The following XPO1 variants were observed in gnomAD, a reference collection of about 807,000 sequenced individuals.
XPO1 encodes the protein exportin 1, also known as exportin-1.
Under a neutral mutation model 133.3 loss-of-function variants are expected in XPO1, and 5 were observed. That is an observed-to-expected ratio of 0.04 (90% CI 0.02 to 0.08). The LOEUF (loss-of-function observed/expected upper bound fraction) is 0.08, where lower values mean the gene tolerates loss of function less well. Ranked by LOEUF, XPO1 falls within the 10% of genes least tolerant of loss-of-function variation. XPO1 has a pLI of 1.00. For synonymous variants in XPO1, 419 were observed against 408.2 expected (o/e 1.03, Z -0.32); for missense variants, 506 against 1,267.5 (o/e 0.40, Z 9.12).
intron 3 of XPO1, chr2:61,525,719 C>T: frequency 1.9e-6 from 2 of 1,027,582 alleles, no homozygotes; most frequent in Non-Finnish European, 2.3e-6. Context: ...GATGTCAAAA[C>T]TAATTAATAT....
intron 12 of XPO1, chr2:61,493,625 C>A: frequency 2.8e-6 from 1 of 351,934 alleles, no homozygotes; most frequent in Non-Finnish European, 5.2e-6. Flanking sequence ...GTGTCTCATT[C>A]CTAGACTCTG....
rs1020730888 is a variant in XPO1, at chr2:61,534,097, T to C, written c.-6-194A>G. 4.0e-5 allele frequency: 20 copies of C among 496,460 alleles called. 1 individual carries two copies. The highest frequency in any genetic ancestry group is 5.9e-5 in the Non-Finnish European group (18 of 305,004). The allele number at this position is 496,460 out of a possible 1,614,324, so 30.8% of individuals were successfully genotyped here. A position where few individuals can be genotyped will look rare whatever the true frequency, so the allele number is the denominator to read the frequency against. ...ATTACTTAGCTATTTGATAATTACA[T>C]AAATTATTATGGTCCATTCAACTTT... On this transcript the variant is annotated intron_variant, in intron 1 of 24. Coordinates refer to ENST00000401558, the MANE Select transcript of XPO1 (RefSeq NM_003400.4).
intron 19 of XPO1, 46 bp from the exon 20 acceptor site, chr2:61,486,008 G>A: frequency 6.6e-7 from 1 of 1,510,974 alleles, no homozygotes; most frequent in Non-Finnish European, 9.0e-7. Context: ...TAGGTACATG[G>A]TGACTATTTT....
At chr2:61,506,958 G>A (rs563632715) in intron 4 of XPO1, among the ~76,000 whole-genome samples, 7 of 151,940 alleles carry the variant, frequency 4.6e-5, no homozygotes, top group South Asian at 2.1e-4. Context: ...GGCCGGGCGC[G>A]GTGGCTCACA....
At chr2:61,499,062 G>GT in intron 7 of XPO1, 149 bp from the exon 8 acceptor site, 1 of 899,010 alleles carries the variant, frequency 1.1e-6, no homozygotes, top group Non-Finnish European at 1.6e-6. Flanking sequence ...CAGAAGGATT[G>GT]TTTGAGACCA....
chr2:61,532,316 A>G (rs935105543), intron 2 of XPO1, among the ~76,000 whole-genome samples: 2 of 151,612 alleles, frequency 1.3e-5, no homozygotes, highest in Non-Finnish European at 2.9e-5. Flanking sequence ...TTTAGTAGAG[A>G]CGGGGTTTCA....
intron 16 of XPO1, among the ~76,000 whole-genome samples, 160 bp from the exon 17 acceptor site, chr2:61,490,936 C>T (rs759650218): frequency 6.6e-6 from 1 of 152,196 alleles, no homozygotes; most frequent in Non-Finnish European, 1.5e-5. Flanking sequence ...AGGCCAATCA[C>T]TTGTGGTCAG....
At chr2:61,510,810 G>A (rs555183604) in intron 4 of XPO1, among the ~76,000 whole-genome samples, 8 of 151,958 alleles carry the variant, frequency 5.3e-5, no homozygotes, top group Admixed American at 3.3e-4. Flanking sequence ...TGATTCATGC[G>A]CACGTAGTCC....
At chr2:61,479,904 G>A (rs904456640) in intron 24 of XPO1, among the ~76,000 whole-genome samples, 3 of 151,460 alleles carry the variant, frequency 2.0e-5, no homozygotes, top group Non-Finnish European at 2.9e-5. Flanking sequence ...TTGCTCTGTC[G>A]CCCAGGCTGG....
intron 7 of XPO1, 95 bp downstream of exon 7, chr2:61,499,618 A>G: frequency 8.3e-7 from 1 of 1,209,352 alleles, no homozygotes; most frequent in Non-Finnish European, 1.1e-6. Context: ...CATATTACTG[A>G]TCATAGTTCC....
intron 4 of XPO1, among the ~76,000 whole-genome samples, chr2:61,518,465 A>ACAC (rs1698520099): frequency 2.4e-5 from 3 of 124,680 alleles, no homozygotes; most frequent in Non-Finnish European, 5.2e-5. Flanking sequence ...CACACACACA[A>ACAC]AGTTAGCCGG....
chr2:61,512,465 T>G (rs1698142264), intron 4 of XPO1, among the ~76,000 whole-genome samples: 1 of 152,144 alleles, frequency 6.6e-6, no homozygotes, highest in Non-Finnish European at 1.5e-5. Flanking sequence ...TTTGCAAAAT[T>G]GAGGTGTTTT....
At chr2:61,493,809 A>T in intron 12 of XPO1, 85 bp downstream of exon 12, 1 of 1,398,626 alleles carries the variant, frequency 7.1e-7, no homozygotes, top group Non-Finnish European at 9.9e-7. Context: ...TAGCTAATTT[A>T]TTTACACAGA....
chr2:61,533,731 A>G (rs1417936700), intron 2 of XPO1, 41 bp downstream of exon 2: 1 of 1,478,800 alleles, frequency 6.8e-7, no homozygotes. Flanking sequence ...CAACTCTGTT[A>G]CACTGTCATA....
chr2:61,491,496 A>ACACACACACACACC (rs1491477036), intron 16 of XPO1, among the ~76,000 whole-genome samples: 376 of 147,338 alleles, frequency 2.6e-3, no homozygotes, highest in African/African-American at 8.2e-3. Context: ...ACACACACAC[A>ACACACACACACACC]CCCCAAAACA....
At chr2:61,534,080 G>T in intron 1 of XPO1, 177 bp from the exon 2 acceptor site, 4 of 557,072 alleles carry the variant, frequency 7.2e-6, no homozygotes, top group South Asian at 4.7e-5. Context: ...AAATTACTTA[G>T]CTATTTGATA....
chr2:61,523,211 A>G (rs891657312), intron 3 of XPO1, among the ~76,000 whole-genome samples: 1 of 152,208 alleles, frequency 6.6e-6, no homozygotes, highest in Non-Finnish European at 1.5e-5. Context: ...GCAGCAAGAC[A>G]ACCCATGGGT....
At position 61,500,578 on chromosome 2, in the gene XPO1, C is replaced by CAAAAAAAAA. The variant is rs56213841; in HGVS notation, c.409-693_409-685dup. Among the ~76,000 whole-genome samples the CAAAAAAAAA allele has an allele frequency of 6.8e-3, 275 of 40,364 alleles. 46 individuals are homozygous for CAAAAAAAAA. Among genetic ancestry groups the CAAAAAAAAA allele is most frequent in the African/African-American group, 0.029 (216 of 7,404 alleles). 26.5% of individuals were successfully genotyped at this position (40,364 alleles called of 152,430 possible). On this transcript the variant is annotated intron_variant, in intron 6 of 24. Coordinates refer to ENST00000401558, the MANE Select transcript of XPO1 (RefSeq NM_003400.4). ...TGGGCAACAGGATGAGACTCCATCT[C>CAAAAAAAAA]AAAAAAAAAAAAAAAAAAAAGAGCA...
intron 4 of XPO1, among the ~76,000 whole-genome samples, chr2:61,502,965 C>CTTTTTTTTTT (rs201077547): frequency 9.4e-5 from 13 of 138,342 alleles, no homozygotes; most frequent in African/African-American, 3.5e-4. Flanking sequence ...TGTTTCTTTT[C>CTTTTTTTTTT]TTTTTTTTTT....
Sources: allele counts gnomAD v4.1 joint callset (sites outside exome capture counted in the v4.1 genomes callset), GRCh38; gene constraint gnomAD v4.1.1; transcripts MANE v1.5; gene names NCBI Gene and HGNC (gene_info 2026-07-23, HGNC 2026-07-21).